Variants in CFHR5 observed in about 807,000 individuals in gnomAD.
CFHR5 encodes complement factor H-related protein 5.
CFHR5 carries 73 observed loss-of-function variants against 62.9 expected under a neutral mutation model. The ratio of observed to expected loss-of-function variants is 1.16; its 90% CI spans 0.96 to 1.41. CFHR5 has a LOEUF of 1.41. CFHR5 is among the 40% of genes most tolerant of loss of function. The pLI is 0.00. For missense variants in CFHR5, 779 were observed against 679.9 expected (o/e 1.15, Z -1.62); for synonymous variants, 249 against 227.2 (o/e 1.10, Z -0.86).
At chr1:197,007,560 T>C (rs1654320130) in intron 9 of CFHR5, among the ~76,000 whole-genome samples, 1 of 151,272 alleles carries the variant, frequency 6.6e-6, no homozygotes, top group Non-Finnish European at 1.5e-5. Context: ...AGCACTCTAA[T>C]ATACATACAA....
Position 197,008,572 on chromosome 1 carries a change from AG to A in CFHR5, c.1603del (p.Asp535MetfsTer14). ...RNDGKLYAKTGDAVEFQCKFP... is the reference protein window; with the variant it reads ...RNDGKLYAKTXDAVEFQCKFP... ...ACGATGGAAAACTCTATGCAAAAAC[AG>A]GGGATGCTGTTGAATTCCAGTGTAA... On this transcript the variant is annotated frameshift_variant, in exon 10 of 10. Transcript: ENST00000256785. LOFTEE classifies it low-confidence loss of function (END_TRUNC). 7.4e-6 allele frequency: 12 copies of A among 1,613,658 alleles called. No individual in the cohort carries two copies. The highest frequency in any genetic ancestry group is 6.8e-6 in the Non-Finnish European group (8 of 1,179,614).
intron 2 of CFHR5, among the ~76,000 whole-genome samples, chr1:196,983,285 G>A (rs966295565): frequency 7.2e-5 from 11 of 152,148 alleles, no homozygotes; most frequent in African/African-American, 2.7e-4. Flanking sequence ...ACCTGGAAAT[G>A]CCCTACATGT....
At chr1:196,987,555 G>A (rs941295428) in intron 3 of CFHR5, among the ~76,000 whole-genome samples, 1 of 152,078 alleles carries the variant, frequency 6.6e-6, no homozygotes, top group African/African-American at 2.4e-5. Context: ...TGTAAGTAAG[G>A]GATCCAGTTT....
In CFHR5 at chr1:196,991,183, G is replaced by A. The variant is rs534169548; in HGVS notation, c.431-2897G>A. Among the ~76,000 whole-genome samples the A allele has an allele frequency of 1.0e-3, 157 of 152,028 alleles. 4 individuals are homozygous for A. The South Asian group carries it at 0.019, about 18-fold the overall frequency. On this transcript the variant is annotated intron_variant, in intron 3 of 9. Transcript: ENST00000256785. ...CTATTGAAGCTTGTACATGCATCAC[G>A]TAGTTCTCGTGCCATGGTTTTCAGC...
rs1369931217 is a variant in CFHR5 at position 197,002,586 on chromosome 1, A to G, written c.1252A>G (p.Lys418Glu). 2 of 1,613,148 alleles carry G rather than the reference A, an allele frequency of 1.2e-6. No homozygotes were observed. The highest frequency in any genetic ancestry group is 1.7e-6 in the Non-Finnish European group (2 of 1,179,262). Residue 418 changes from lysine to glutamate, a missense_variant, in exon 8 of 10, where the codon AAA (lysine) becomes GAA (glutamate). Coordinates refer to ENST00000256785, the MANE Select transcript of CFHR5 (RefSeq NM_030787.4). ...QDGEKVAVLC[K>E]ENYLLPEAKE... ...TGGAGAAAAAGTAGCTGTTCTCTGT[A>G]AAGAAAACTATCTACTTCCAGAAGC... is the stretch of plus-strand genomic sequence containing the variant.
chr1:196,987,748 C>T (rs935546883), intron 3 of CFHR5, among the ~76,000 whole-genome samples: 10 of 152,136 alleles, frequency 6.6e-5, no homozygotes, highest in Admixed American at 6.6e-4. Flanking sequence ...CAGTACCATG[C>T]TGTTTTGGTT....
upstream of CFHR5, among the ~76,000 whole-genome samples, chr1:196,976,926 T>C (rs1653409761): frequency 6.8e-6 from 1 of 146,858 alleles, no homozygotes; most frequent in South Asian, 2.3e-4. Context: ...TGCCTCAGCC[T>C]CCCGAGTAGC....
At chr1:197,004,029 G>A (rs1420975924) in intron 8 of CFHR5, among the ~76,000 whole-genome samples, 1 of 152,096 alleles carries the variant, frequency 6.6e-6, no homozygotes, top group African/African-American at 2.4e-5. Context: ...TTTGGGATAG[G>A]ATTACTTAGT....
Position 196,986,983 on chromosome 1 carries a change from C to G in CFHR5, c.430+2846C>G, listed in dbSNP as rs566104662. Among the ~76,000 whole-genome samples the G allele has an allele frequency of 7.9e-5, 12 of 152,316 alleles. No individual in the cohort carries two copies. In the South Asian group the frequency reaches 2.5e-3, roughly 32 times the overall value. Reference sequence around the variant, plus strand: ...TGGTTGAACTAGTTTACACTCCCAACAACAGTGTAAAAGAGTTCCTATTTC... The same window carrying G: ...TGGTTGAACTAGTTTACACTCCCAAGAACAGTGTAAAAGAGTTCCTATTTC... On this transcript the variant is annotated intron_variant, in intron 3 of 9. Coordinates refer to ENST00000256785, the MANE Select transcript of CFHR5 (RefSeq NM_030787.4).
At chr1:196,992,136 C>G (rs1363869664) in intron 3 of CFHR5, among the ~76,000 whole-genome samples, 2 of 152,130 alleles carry the variant, frequency 1.3e-5, no homozygotes, top group African/African-American at 4.8e-5. Context: ...CCTCACAGGT[C>G]GATCTCAGAC....
intron 4 of CFHR5, among the ~76,000 whole-genome samples, 166 bp from the exon 5 acceptor site, chr1:196,995,551 G>A (rs1261347696): frequency 6.6e-6 from 1 of 151,974 alleles, no homozygotes; most frequent in African/African-American, 2.4e-5. Context: ...AATATTTGAG[G>A]AAACGAATGC....
At chr1:196,979,529 G>T (rs1396706632) in intron 1 of CFHR5, among the ~76,000 whole-genome samples, 1 of 152,012 alleles carries the variant, frequency 6.6e-6, no homozygotes, top group East Asian at 1.9e-4. Flanking sequence ...CATATAAAAG[G>T]TACAATAAAA....
At chr1:197,003,425 G>A (rs1348206233) in intron 8 of CFHR5, among the ~76,000 whole-genome samples, 2 of 152,048 alleles carry the variant, frequency 1.3e-5, no homozygotes, top group African/African-American at 4.8e-5. Context: ...GTTTGTGTAG[G>A]CTCACTCCAT....
At chr1:196,983,571 A>G (rs951001465) in intron 2 of CFHR5, among the ~76,000 whole-genome samples, 11 of 152,198 alleles carry the variant, frequency 7.2e-5, no homozygotes, top group Non-Finnish European at 1.3e-4. Context: ...CAATGATAAC[A>G]GGTGCATTAA....
intron 3 of CFHR5, among the ~76,000 whole-genome samples, chr1:196,985,831 A>G (rs1351572906): frequency 6.6e-6 from 1 of 152,204 alleles, no homozygotes; most frequent in Non-Finnish European, 1.5e-5. Context: ...ACTGCCCCAG[A>G]ACTAGAATCA....
chr1:197,008,285 A>G (rs969431812), intron 9 of CFHR5, among the ~76,000 whole-genome samples: 1 of 151,588 alleles, frequency 6.6e-6, no homozygotes, highest in Non-Finnish European at 1.5e-5. Context: ...AAAATCTCTT[A>G]GCATTTATTT....
chr1:197,002,353 AAG>A, intron 7 of CFHR5, 127 bp from the exon 8 acceptor site: 1 of 649,782 alleles, frequency 1.5e-6, no homozygotes, highest in Non-Finnish European at 2.7e-6. Context: ...GGGAGAGAGA[AAG>A]AGAAAGTGAT....
intron 3 of CFHR5, among the ~76,000 whole-genome samples, chr1:196,989,836 T>C (rs1368749032): frequency 6.6e-6 from 1 of 152,168 alleles, no homozygotes; most frequent in Non-Finnish European, 1.5e-5. Context: ...CTGAGAAGAA[T>C]GTATATTCTG....
At chr1:196,977,806 T>C (rs1653435102) in intron 1 of CFHR5, 84 bp downstream of exon 1, 9 of 963,912 alleles carry the variant, frequency 9.3e-6, no homozygotes, top group East Asian at 4.8e-5. Flanking sequence ...CAAATATTTT[T>C]AAATGAATAA....
Sources: allele counts gnomAD v4.1 joint callset (sites outside exome capture counted in the v4.1 genomes callset), GRCh38; gene constraint gnomAD v4.1.1; transcripts MANE v1.5; gene names NCBI Gene and HGNC (gene_info 2026-07-23, HGNC 2026-07-21).